DELE1: variants seen among roughly 807,000 people sequenced by gnomAD.
The protein encoded by DELE1 is DAP3 binding cell death enhancer 1.
A neutral mutation model predicts 59.3 loss-of-function variants in DELE1; 54 were observed. The observed-to-expected ratio is 0.91, with a 90% CI of 0.73 to 1.14. The LOEUF is 1.14. Among genes scored for constraint, DELE1 ranks in the 50% most tolerant of loss-of-function variants. The pLI, the probability that DELE1 is intolerant of heterozygous loss-of-function variation, is 0.00. For missense variants in DELE1, 636 were observed against 643.9 expected (o/e 0.99, Z 0.13); for synonymous variants, 264 against 259.1 (o/e 1.02, Z -0.18).
intron 1 of DELE1, 68 bp downstream of exon 1, chr5:141,924,040 C>T (rs748872781): frequency 4.5e-6 from 7 of 1,565,854 alleles, no homozygotes; most frequent in Non-Finnish European, 6.1e-6. Flanking sequence ...GGGGCGGGCC[C>T]GAGGAAACAG....
chr5:141,938,389 C>G, intron 11 of DELE1, 132 bp from the exon 12 acceptor site: 1 of 1,377,546 alleles, frequency 7.3e-7, no homozygotes, highest in South Asian at 1.4e-5. Flanking sequence ...AAGAGCCCTG[C>G]TCACTCATGA....
rs752698543 is a variant in DELE1, at chr5:141,929,607, C to T, written c.438C>T (p.Ser146=). ...CACTGCGACAACACATCCTCCCCAG[C>T]CCCGATGGCCCAGCTCCCAGGCACA... ...CSSLRQHILP[S]PDGPAPRHTG... The change falls in exon 5 of 12, where the codon AGC becomes AGT. Residue 146 remains serine, a synonymous_variant. Coordinates refer to ENST00000432126, the MANE Select transcript of DELE1 (RefSeq NM_014773.5). 6.2e-7 allele frequency: 1 copy of T among 1,614,024 alleles called. No homozygotes were observed. Among genetic ancestry groups the T allele is most frequent in the Non-Finnish European group, 8.5e-7 (1 of 1,180,012 alleles).
In DELE1 at chr5:141,934,544, G is replaced by A. The variant is rs1227146721; in HGVS notation, c.1107G>A (p.Glu369=). 7 of 1,614,264 alleles carry A rather than the reference G, an allele frequency of 4.3e-6. 1 individual carries two copies. ...VLFTKEPYLD[E]QRAVKYLWLA... ...TCACCAAGGAGCCCTACCTGGATGA[G>A]CAGAGAGCTGTGAAATATCTTTGGC... Residue 369 remains glutamate, a synonymous_variant, in exon 10 of 12, where the codon GAG becomes GAA. Transcript: ENST00000432126.
At chr5:141,937,134 C>T in intron 10 of DELE1, 64 bp from the exon 11 acceptor site, 1 of 1,599,800 alleles carries the variant, frequency 6.3e-7, no homozygotes, top group Non-Finnish European at 8.5e-7. Flanking sequence ...TTCCTCCTCC[C>T]TTAGCATGTC....
rs1186066849 is a variant in DELE1, at chr5:141,926,544, T to C, written c.264+1017T>C. 2.0e-5 allele frequency among the ~76,000 whole-genome samples: 3 copies of C among 152,264 alleles called. No individual in the cohort carries two copies. In the East Asian group the frequency reaches 5.8e-4, roughly 29 times the overall value. On this transcript the variant is annotated intron_variant, in intron 3 of 11. Coordinates refer to ENST00000432126, the MANE Select transcript of DELE1 (RefSeq NM_014773.5). Reference sequence around the variant, plus strand: ...TGGAAGTTCTGCTTATAAGATCTTCTGAATGAAGTTGACACACACATCACT... The same window carrying C: ...TGGAAGTTCTGCTTATAAGATCTTCCGAATGAAGTTGACACACACATCACT...
At chr5:141,928,123 CG>C (rs780664924) in intron 3 of DELE1, 27 bp from the exon 4 acceptor site, 69 of 1,605,200 alleles carry the variant, frequency 4.3e-5, no homozygotes, top group Admixed American at 8.5e-5. Context: ...GGTGAAGGAC[CG>C]TGTCCTTAAC....
chr5:141,938,142 C>T (rs553133678), intron 11 of DELE1, among the ~76,000 whole-genome samples: 1 of 152,118 alleles, frequency 6.6e-6, no homozygotes, highest in Non-Finnish European at 1.5e-5. Flanking sequence ...GAGTTTTAAC[C>T]CCCACTATCA....
Position 141,939,039 on chromosome 5 carries a change from C to G in DELE1, c.*280C>G. ...AAACCCTACTGAAGGGTCCAGAGAC[C>G]CTGGTGCTCACCTTAGCCTTTGTCT... On this transcript the variant is annotated 3_prime_UTR_variant, in exon 12 of 12. Transcript: ENST00000432126. 4 of 1,226,856 alleles carry G rather than the reference C, an allele frequency of 3.3e-6. No individual in the cohort carries two copies. Among genetic ancestry groups the G allele is most frequent in the Non-Finnish European group, 4.1e-6 (4 of 979,600 alleles). The allele number at this position is 1,226,856 out of a possible 1,614,324, so 76.0% of individuals were successfully genotyped here. A position where few individuals can be genotyped will look rare whatever the true frequency, so the allele number is the denominator to read the frequency against.
chr5:141,925,654 T>C lies in DELE1; in HGVS notation c.264+127T>C, dbSNP rs534783703. 5 of 532,350 alleles carry C rather than the reference T, an allele frequency of 9.4e-6. No individual in the cohort carries two copies. In the African/African-American group the frequency reaches 9.8e-5, roughly 10 times the overall value. The allele number at this position is 532,350 out of a possible 1,614,324, so 33.0% of individuals were successfully genotyped here. A position where few individuals can be genotyped will look rare whatever the true frequency, so the allele number is the denominator to read the frequency against. On this transcript the variant is annotated intron_variant, in intron 3 of 11. Transcript: ENST00000432126. ...TCCATTTAACAAGTAACCCATGGTA[T>C]TGGAGCATATTCAAGGAGATATTGC...
chr5:141,932,028 C>A (rs747762453), intron 7 of DELE1, among the ~76,000 whole-genome samples: 1 of 152,174 alleles, frequency 6.6e-6, no homozygotes, highest in Non-Finnish European at 1.5e-5. Context: ...CAGGATTTTA[C>A]AGTCTAATTG....
chr5:141,934,300 G>A lies in DELE1; in HGVS notation c.958G>A (p.Ala320Thr). 4 of 1,614,008 alleles carry A rather than the reference G, an allele frequency of 2.5e-6. No homozygotes were observed. Among genetic ancestry groups the A allele is most frequent in the Non-Finnish European group, 2.5e-6 (3 of 1,179,954 alleles). ...CCACAGCCTGGCTCAGTACCGCTAT[G>A]CCAGGTGCCTACTACGAGACCCAGC... ...QGHSLAQYRY[A>T]RCLLRDPASS... Residue 320 changes from alanine (A) to threonine (T), a missense_variant, in exon 9 of 12, where the codon GCC (alanine) becomes ACC (threonine). Physicochemically the swap from Ala to Thr is moderately conservative, Grantham distance 58 (BLOSUM62 0). Coordinates refer to ENST00000432126, the MANE Select transcript of DELE1 (RefSeq NM_014773.5).
rs113915054 is a variant in DELE1, at chr5:141,940,258, A to G, written c.*1499A>G. On this transcript the variant is annotated 3_prime_UTR_variant, in exon 12 of 12. Coordinates refer to ENST00000432126, the MANE Select transcript of DELE1 (RefSeq NM_014773.5). Reference sequence around the variant, plus strand: ...CTAAACTCTCCACTAACCAATTTAAAGGATCTTAAAAGCTTCTCCAGGAGA... The same window carrying G: ...CTAAACTCTCCACTAACCAATTTAAGGGATCTTAAAAGCTTCTCCAGGAGA... The G allele has an allele frequency of 2.9e-5, 29 of 985,464 alleles. 5 individuals are homozygous for G. The African/African-American group carries it at 4.5e-4, about 15-fold the overall frequency. 61.0% of individuals were successfully genotyped at this position (985,464 alleles called of 1,614,324 possible).
At position 141,925,529 on chromosome 5, in the gene DELE1, TA is replaced by T; in HGVS notation, c.264+4del. 1 of 1,572,080 alleles carries T rather than the reference TA, an allele frequency of 6.4e-7. No individual in the cohort carries two copies. The highest frequency in any genetic ancestry group is 8.7e-7 in the Non-Finnish European group (1 of 1,154,922). On this transcript the variant is annotated splice_donor_region_variant and intron_variant, in intron 3 of 11. Coordinates refer to ENST00000432126, the MANE Select transcript of DELE1 (RefSeq NM_014773.5). ...ACCCTATGGGATGCCATATCTTGGG[TA>T]AGGCTTCCCCAGCCTGGTCCTTGAC...
chr5:141,938,524 CG>C lies in DELE1; in HGVS notation c.1317del (p.Ser441AlafsTer3), dbSNP rs1561524521. 1 of 1,613,702 alleles carries C rather than the reference CG, an allele frequency of 6.2e-7. No homozygotes were observed. The highest frequency in any genetic ancestry group is 1.3e-5 in the African/African-American group (1 of 75,022). ...RALFSMGAAA[P>X]GPSDLTVTGL... ...TTGCTCTCACCTCTTCTTGTAGCCCCGGGGCCCAGCGACCTGACAGTTACAG... is the reference window on the plus strand; with the variant it reads ...TTGCTCTCACCTCTTCTTGTAGCCCCGGGCCCAGCGACCTGACAGTTACAG... On this transcript the variant is annotated frameshift_variant, in exon 12 of 12. Transcript: ENST00000432126. LOFTEE classifies it high-confidence loss of function.
In DELE1 at chr5:141,940,391, A is replaced by G. The variant is rs761029787; in HGVS notation, c.*1632A>G. The G allele has an allele frequency of 2.0e-6, 2 of 984,660 alleles. No homozygotes were observed. Among genetic ancestry groups the G allele is most frequent in the African/African-American group, 3.5e-5 (2 of 56,826 alleles). The allele number at this position is 984,660 out of a possible 1,614,324, so 61.0% of individuals were successfully genotyped here. On this transcript the variant is annotated 3_prime_UTR_variant, in exon 12 of 12. Transcript: ENST00000432126. ...TGGATGTTAGCCCAAGTTGAATAGC[A>G]TAGATGTGGTTGAGAGTGGGGTCTG... is the stretch of plus-strand genomic sequence containing the variant.
chr5:141,937,329 G>A lies in DELE1; in HGVS notation c.1281G>A (p.Leu427=). ...GAAATGAGGCCGCCCAGGAGAGGCT[G>A]CGAGCCCTCTTTTCCATGGGGGCTG... is the stretch of plus-strand genomic sequence containing the variant. ...ALGNEAAQER[L]RALFSMGAAA... is the part of the protein sequence containing the mutation. The change falls in exon 11 of 12, where the codon CTG becomes CTA. Residue 427 remains leucine (L), a synonymous_variant. Coordinates refer to ENST00000432126, the MANE Select transcript of DELE1 (RefSeq NM_014773.5). 1 of 1,614,148 alleles carries A rather than the reference G, an allele frequency of 6.2e-7. No individual in the cohort carries two copies. The highest frequency in any genetic ancestry group is 8.5e-7 in the Non-Finnish European group (1 of 1,180,024).
intron 3 of DELE1, among the ~76,000 whole-genome samples, chr5:141,925,857 T>A (rs1039961549): frequency 1.3e-5 from 2 of 152,146 alleles, no homozygotes; most frequent in African/African-American, 2.4e-5. Context: ...ATCTTTTTTT[T>A]ATTATTCATT....
At position 141,939,777 on chromosome 5, in the gene DELE1, C is replaced by A. The variant is rs949818657; in HGVS notation, c.*1018C>A. The A allele has an allele frequency of 6.9e-6, 6 of 864,970 alleles. No individual in the cohort carries two copies. The highest frequency in any genetic ancestry group is 1.8e-5 in the African/African-American group (1 of 54,270). 53.6% of individuals were successfully genotyped at this position (864,970 alleles called of 1,614,324 possible). On this transcript the variant is annotated 3_prime_UTR_variant, in exon 12 of 12. Transcript: ENST00000432126. ...TGTGACCTGACTCCCTATATTGTTT[C>A]CTCAGTTGTAGACCAAAGGCAATGG...
Position 141,932,379 on chromosome 5 carries a change from C to T in DELE1, c.755-880C>T, listed in dbSNP as rs1751981914. ...CAATTTCTTCATGAAACAAGATTAA[C>T]AGTATCACTTGTATCAGTTAGGGTT... On this transcript the variant is annotated intron_variant, in intron 7 of 11. Coordinates refer to ENST00000432126, the MANE Select transcript of DELE1 (RefSeq NM_014773.5). Among the ~76,000 whole-genome samples, 3 of 152,202 alleles carry T rather than the reference C, an allele frequency of 2.0e-5. No homozygotes were observed. In the South Asian group the frequency reaches 6.2e-4, roughly 32 times the overall value.
Sources: allele counts gnomAD v4.1 joint callset (sites outside exome capture counted in the v4.1 genomes callset), GRCh38; gene constraint gnomAD v4.1.1; transcripts MANE v1.5; gene names NCBI Gene and HGNC (gene_info 2026-07-23, HGNC 2026-07-21).